The following UGT1A6 variants were observed in gnomAD, a reference collection of about 807,000 sequenced individuals.
UGT1A6 encodes UDP-glucuronosyltransferase 1A6.
UGT1A6 carries 32 observed loss-of-function variants against 44.4 expected under a neutral mutation model. The observed-to-expected ratio is 0.72, with a 90% CI of 0.54 to 0.97. UGT1A6 has a LOEUF of 0.97. Ranked by LOEUF, UGT1A6 falls within the 50% of genes least tolerant of loss-of-function variation. UGT1A6 has a pLI of 0.00. For synonymous variants in UGT1A6, 238 were observed against 248.5 expected (o/e 0.96, Z 0.40); for missense variants, 685 against 661.9 (o/e 1.03, Z -0.38).
chr2:233,748,612 C>T (rs570236786), intron 1 of UGT1A6, among the ~76,000 whole-genome samples: 2 of 151,726 alleles, frequency 1.3e-5, no homozygotes, highest in East Asian at 1.9e-4. Context: ...GAGCAACGAA[C>T]GTGGGATATA....
At chr2:233,748,875 A>T (rs1329303581) in intron 1 of UGT1A6, among the ~76,000 whole-genome samples, 1 of 151,636 alleles carries the variant, frequency 6.6e-6, no homozygotes, top group Non-Finnish European at 1.5e-5. Flanking sequence ...GGGGACGGTG[A>T]TGAATGGACA....
chr2:233,772,087 C>T (rs958943778), intron 4 of UGT1A6, among the ~76,000 whole-genome samples, 175 bp from the exon 5 acceptor site: 4 of 152,100 alleles, frequency 2.6e-5, no homozygotes, highest in African/African-American at 4.8e-5. Flanking sequence ...CACTCCAGCC[C>T]GGGCAACAGG....
chr2:233,720,410 G>T (rs537588442), intron 1 of UGT1A6, among the ~76,000 whole-genome samples: 1 of 152,200 alleles, frequency 6.6e-6, no homozygotes, highest in South Asian at 2.1e-4. Flanking sequence ...GGGTGGAAGG[G>T]ACTAGGGAGG....
At chr2:233,710,922 T>C (rs2076154215) in intron 1 of UGT1A6, among the ~76,000 whole-genome samples, 1 of 152,228 alleles carries the variant, frequency 6.6e-6, no homozygotes, top group Non-Finnish European at 1.5e-5. Context: ...TTAGACCACT[T>C]AGTCTTTGTT....
chr2:233,693,626 C>T lies in UGT1A6; in HGVS notation c.622C>T (p.Arg208Ter), dbSNP rs571650145. 6.3e-5 allele frequency: 101 copies of T among 1,614,196 alleles called. 1 individual carries two copies. The highest frequency in any genetic ancestry group is 6.1e-4 in the South Asian group (56 of 91,072). The change falls in exon 1 of 5, where the codon CGA (arginine) becomes TGA (stop). Residue 208 changes from arginine to a stop codon, truncating the protein, a stop_gained. Coordinates refer to ENST00000305139, the MANE Select transcript of UGT1A6 (RefSeq NM_001072.4). LOFTEE classifies it high-confidence loss of function. Reference sequence around the variant, plus strand: ...TTCAGACCACATGACTTTTTCCCAACGAGTGGCCAACTTCCTTGTTAATTT... The same window carrying T: ...TTCAGACCACATGACTTTTTCCCAATGAGTGGCCAACTTCCTTGTTAATTT... ...KFSDHMTFSQ[R>*]VANFLVNLLE...
intron 1 of UGT1A6, among the ~76,000 whole-genome samples, chr2:233,709,406 C>T (rs1395149739): frequency 1.3e-5 from 2 of 152,072 alleles, no homozygotes; most frequent in Non-Finnish European, 2.9e-5. Context: ...TATGGGTGAA[C>T]ACTCAATAAG....
At chr2:233,734,058 T>C (rs887358519) in intron 1 of UGT1A6, among the ~76,000 whole-genome samples, 3 of 152,142 alleles carry the variant, frequency 2.0e-5, no homozygotes, top group Non-Finnish European at 4.4e-5. Context: ...TATACATATG[T>C]AACAAACCTG....
At position 233,768,372 on chromosome 2, in the gene UGT1A6, C is replaced by A; in HGVS notation, c.1234C>A (p.Leu412Met). 1 of 1,614,130 alleles carries A rather than the reference C, an allele frequency of 6.2e-7. No homozygotes were observed. The highest frequency in any genetic ancestry group is 8.5e-7 in the Non-Finnish European group (1 of 1,180,038). The change falls in exon 4 of 5, where the codon CTG becomes ATG. Residue 412 changes from leucine (L) to methionine (M), a missense_variant. By Grantham distance (15) the Leu-to-Met change is conservative. Coordinates refer to ENST00000305139, the MANE Select transcript of UGT1A6 (RefSeq NM_001072.4). The part of the protein sequence containing the change: ...RMETKGAGVT[L>M]NVLEMTSEDL... ...GGAGACTAAGGGAGCTGGAGTGACC[C>A]TGAATGTTCTGGAAATGACTTCTGA...
At chr2:233,747,450 T>G in intron 1 of UGT1A6, 1 of 1,609,050 alleles carries the variant, frequency 6.2e-7, no homozygotes, top group South Asian at 1.1e-5. Context: ...CCTGACAACC[T>G]ATGCCATTTC....
Position 233,772,929 on chromosome 2 carries a change from C to G in UGT1A6, c.*370C>G, listed in dbSNP as rs1186146273. On this transcript the variant is annotated 3_prime_UTR_variant, in exon 5 of 5. Transcript: ENST00000305139. ...CCCTACTGCAAATGGCAGTTTTAAT[C>G]TTATCTTTTGGCTTCTGCAGATGGT... is the stretch of plus-strand genomic sequence containing the variant. The G allele has an allele frequency of 2.8e-6, 1 of 355,154 alleles. No homozygotes were observed. The highest frequency in any genetic ancestry group is 4.3e-5 in the Admixed American group (1 of 23,230). 22.0% of individuals were successfully genotyped at this position (355,154 alleles called of 1,614,324 possible). A position where few individuals can be genotyped will look rare whatever the true frequency, so the allele number is the denominator to read the frequency against.
intron 1 of UGT1A6, among the ~76,000 whole-genome samples, chr2:233,727,709 G>A (rs1490010404): frequency 6.6e-6 from 1 of 152,172 alleles, no homozygotes; most frequent in Non-Finnish European, 1.5e-5. Context: ...AGTTCCCAAA[G>A]CCCTTGCAGA....
intron 1 of UGT1A6, among the ~76,000 whole-genome samples, chr2:233,750,399 C>A (rs1694444307): frequency 1.3e-5 from 2 of 151,914 alleles, no homozygotes; most frequent in African/African-American, 2.4e-5. Flanking sequence ...AAATTTGCAG[C>A]CTGACCATGT....
At chr2:233,708,161 G>A (rs1416561336) in intron 1 of UGT1A6, among the ~76,000 whole-genome samples, 8 of 152,136 alleles carry the variant, frequency 5.3e-5, no homozygotes, top group Admixed American at 3.9e-4. Flanking sequence ...GGGAGTTGCC[G>A]GAAAATGGAC....
Position 233,742,959 on chromosome 2 carries a change from T to C in UGT1A6, c.862-24075T>C, listed in dbSNP as rs191993803. ...TCCTACCACTAGCAAATAATCATTG[T>C]CTGCCTCAGGCTTAAGTTTAATAAA... is the stretch of plus-strand genomic sequence containing the variant. On this transcript the variant is annotated intron_variant, in intron 1 of 4. Coordinates refer to ENST00000305139, the MANE Select transcript of UGT1A6 (RefSeq NM_001072.4). 2.6e-4 allele frequency: 57 copies of C among 217,402 alleles called. No individual in the cohort carries two copies. In the East Asian group the frequency reaches 5.8e-3, roughly 22 times the overall value. The allele number at this position is 217,402 out of a possible 1,614,324, so 13.5% of individuals were successfully genotyped here.
Position 233,769,646 on chromosome 2 carries a change from C to T in UGT1A6, c.1301+1207C>T, listed in dbSNP as rs1053692486. 2 of 1,608,424 alleles carry T rather than the reference C, an allele frequency of 1.2e-6. No individual in the cohort carries two copies. Among genetic ancestry groups the T allele is most frequent in the Non-Finnish European group, 1.7e-6 (2 of 1,177,716 alleles). On this transcript the variant is annotated intron_variant, in intron 4 of 4. Transcript: ENST00000305139. The surrounding 1 kb of genome is among the most constrained non-coding windows in gnomAD (Gnocchi z 4.4). ...AGGGACAACAGGGGAGGACTGATGA[C>T]TGACTTCCCACCTTTGAGGTGCTAA...
At chr2:233,733,973 G>A (rs2078462378) in intron 1 of UGT1A6, among the ~76,000 whole-genome samples, 1 of 152,034 alleles carries the variant, frequency 6.6e-6, no homozygotes, top group African/African-American at 2.4e-5. Flanking sequence ...GGGGGAGCGG[G>A]GAGGGATAGC....
chr2:233,767,013 A>C, intron 1 of UGT1A6, 21 bp from the exon 2 acceptor site: 3 of 1,613,858 alleles, frequency 1.9e-6, no homozygotes, highest in Non-Finnish European at 2.5e-6. Flanking sequence ...AATTAACTGA[A>C]AATTTTTCTT....
At chr2:233,751,930 T>G (rs1477221297) in intron 1 of UGT1A6, among the ~76,000 whole-genome samples, 5 of 152,152 alleles carry the variant, frequency 3.3e-5, no homozygotes, top group African/African-American at 7.2e-5. Context: ...TGGTGGTGAT[T>G]GAAGTTATAC....
intron 1 of UGT1A6, among the ~76,000 whole-genome samples, chr2:233,757,279 A>C (rs1159492481): frequency 7.8e-6 from 1 of 127,878 alleles, no homozygotes; most frequent in Non-Finnish European, 1.6e-5. Flanking sequence ...GCAATGATTC[A>C]GAAGGGACAG....
Sources: allele counts gnomAD v4.1 joint callset (sites outside exome capture counted in the v4.1 genomes callset), GRCh38; gene constraint gnomAD v4.1.1; non-coding constraint Gnocchi (gnomAD v3.1); transcripts MANE v1.5; gene names NCBI Gene and HGNC (gene_info 2026-07-23, HGNC 2026-07-21).